CLEC16A: variants seen among roughly 807,000 people sequenced by gnomAD.
The protein encoded by CLEC16A is C-type lectin domain containing 16A.
Under a neutral mutation model 109.5 loss-of-function variants are expected in CLEC16A, and 51 were observed. The ratio of observed to expected loss-of-function variants is 0.47; its 90% CI spans 0.37 to 0.59. The LOEUF (loss-of-function observed/expected upper bound fraction) is 0.59, where lower values mean the gene tolerates loss of function less well. Ranked by LOEUF, CLEC16A falls within the 20% of genes least tolerant of loss-of-function variation. The pLI is 0.00. For missense variants in CLEC16A, 1,339 were observed against 1,394.0 expected (o/e 0.96, Z 0.63); for synonymous variants, 673 against 564.2 (o/e 1.19, Z -2.73).
At chr16:11,166,334 G>A in intron 22 of CLEC16A, 54 bp from the exon 23 acceptor site, 2 of 1,520,116 alleles carry the variant, frequency 1.3e-6, no homozygotes, top group Non-Finnish European at 1.8e-6. Context: ...TGACATTGAG[G>A]CCCTCAGGCC....
At chr16:11,111,738 C>T (rs898356443) in intron 19 of CLEC16A, among the ~76,000 whole-genome samples, 2 of 152,196 alleles carry the variant, frequency 1.3e-5, no homozygotes, top group East Asian at 3.8e-4. Context: ...ATCAAAAGAG[C>T]AGGCATTAGG....
At chr16:10,977,469 C>G in intron 8 of CLEC16A, 70 bp downstream of exon 8, 16 of 1,351,698 alleles carry the variant, frequency 1.2e-5, no homozygotes, top group Non-Finnish European at 1.3e-5. Flanking sequence ...CCCCAGTCCC[C>G]TGGAATGGGG....
At chr16:11,009,977 A>G (rs1053168430) in intron 11 of CLEC16A, among the ~76,000 whole-genome samples, 3 of 151,836 alleles carry the variant, frequency 2.0e-5, no homozygotes, top group African/African-American at 7.3e-5. Flanking sequence ...ACATAGGGAG[A>G]CCCCTGTCTG....
intron 21 of CLEC16A, among the ~76,000 whole-genome samples, chr16:11,125,216 A>G (rs975222965): frequency 7.2e-5 from 11 of 152,188 alleles, no homozygotes; most frequent in Non-Finnish European, 2.9e-5. Context: ...AACTTGGCCT[A>G]CAAAATCATT....
chr16:11,170,867 A>G (rs2068481449), intron 23 of CLEC16A, among the ~76,000 whole-genome samples: 1 of 152,214 alleles, frequency 6.6e-6, no homozygotes, highest in African/African-American at 2.4e-5. Flanking sequence ...GGAAAGGTGC[A>G]GCAGGTTCTG....
chr16:11,163,320 A>AT (rs1338495804), intron 22 of CLEC16A, among the ~76,000 whole-genome samples: 1 of 152,220 alleles, frequency 6.6e-6, no homozygotes, highest in African/African-American at 2.4e-5. Context: ...GGAAAAAAAA[A>AT]GCCAAAAGTC....
intron 22 of CLEC16A, among the ~76,000 whole-genome samples, chr16:11,131,946 C>A (rs1172710216): frequency 6.6e-6 from 1 of 152,232 alleles, no homozygotes; most frequent in Non-Finnish European, 1.5e-5. Context: ...TTCCCTCCGC[C>A]TGGAGCCCTC....
intron 22 of CLEC16A, among the ~76,000 whole-genome samples, chr16:11,160,391 A>G (rs2054680477): frequency 6.6e-6 from 1 of 152,196 alleles, no homozygotes; most frequent in Admixed American, 6.5e-5. Context: ...GTGAACCCAG[A>G]CAAAAACTCG....
At chr16:11,167,541 C>A (rs1245516539) in intron 23 of CLEC16A, among the ~76,000 whole-genome samples, 1 of 152,212 alleles carries the variant, frequency 6.6e-6, no homozygotes, top group Non-Finnish European at 1.5e-5. Context: ...GCACCAGGAG[C>A]CAAGATCTCC....
intron 3 of CLEC16A, among the ~76,000 whole-genome samples, chr16:10,964,887 T>A (rs887496624): frequency 6.6e-6 from 1 of 152,180 alleles, no homozygotes; most frequent in Non-Finnish European, 1.5e-5. Context: ...GTGGGGGTTG[T>A]GTGTGCACCT....
At chr16:11,004,291 G>A (rs1188544179) in intron 11 of CLEC16A, among the ~76,000 whole-genome samples, 1 of 152,180 alleles carries the variant, frequency 6.6e-6, no homozygotes, top group Non-Finnish European at 1.5e-5. Context: ...ACACAGCTGG[G>A]GTCTCTGCCC....
chr16:10,985,434 G>A (rs1479524208), intron 10 of CLEC16A, among the ~76,000 whole-genome samples: 2 of 152,000 alleles, frequency 1.3e-5, no homozygotes, highest in African/African-American at 4.8e-5. Context: ...GCTTCGCAGA[G>A]CCTGCCCCCA....
chr16:11,123,639 T>C (rs2052590011), intron 20 of CLEC16A, 103 bp from the exon 21 acceptor site: 1 of 1,102,340 alleles, frequency 9.1e-7, no homozygotes, highest in Non-Finnish European at 1.4e-6. Flanking sequence ...AAAGCAGAGA[T>C]GAATTTGGAG....
At chr16:11,145,888 A>G (rs76107475) in intron 22 of CLEC16A, among the ~76,000 whole-genome samples, 1 of 152,184 alleles carries the variant, frequency 6.6e-6, no homozygotes, top group Non-Finnish European at 1.5e-5. Flanking sequence ...ATGAAAGCCA[A>G]AGTCCTCACG....
intron 22 of CLEC16A, among the ~76,000 whole-genome samples, chr16:11,152,389 C>T (rs1567396625): frequency 6.6e-6 from 1 of 152,210 alleles, no homozygotes; most frequent in Non-Finnish European, 1.5e-5. Context: ...TATCTGTTCC[C>T]AGGAAAAGGT....
intron 13 of CLEC16A, among the ~76,000 whole-genome samples, chr16:11,034,432 T>A (rs2046911654): frequency 1.3e-5 from 2 of 152,318 alleles, no homozygotes; most frequent in South Asian, 4.1e-4. Flanking sequence ...TTTACCTCTC[T>A]ACCCTAAATG....
At chr16:10,960,857 C>T (rs1312423853) in intron 2 of CLEC16A, among the ~76,000 whole-genome samples, 1 of 152,150 alleles carries the variant, frequency 6.6e-6, no homozygotes, top group African/African-American at 2.4e-5. Flanking sequence ...TCAGCCTTGG[C>T]TATTAGGAGC....
At chr16:10,978,408 A>C (rs1444023159) in intron 8 of CLEC16A, among the ~76,000 whole-genome samples, 1 of 152,228 alleles carries the variant, frequency 6.6e-6, no homozygotes, top group Non-Finnish European at 1.5e-5. Flanking sequence ...TGGAGTTTTC[A>C]AGATTCTCAC....
At chr16:11,052,956 C>G (rs935630041) in intron 18 of CLEC16A, among the ~76,000 whole-genome samples, 9 of 152,010 alleles carry the variant, frequency 5.9e-5, no homozygotes. Context: ...TGCAGTGTTG[C>G]GATCATAGCT....
Sources: gnomAD v4.1 joint callset for allele counts (sites outside exome capture counted in the v4.1 genomes callset) on GRCh38, gnomAD v4.1.1 for gene constraint, MANE v1.5 for transcripts, NCBI Gene and HGNC (gene_info 2026-07-23, HGNC 2026-07-21) for gene names.